Variants in COL27A1 observed in about 807,000 individuals in gnomAD.
COL27A1 encodes collagen type XXVII alpha 1 chain.
A neutral mutation model predicts 251.3 loss-of-function variants in COL27A1; 106 were observed. The observed-to-expected ratio is 0.42, with a 90% confidence interval of 0.36 to 0.50. COL27A1 has a LOEUF of 0.50. Ranked by LOEUF, COL27A1 falls within the 20% of genes least tolerant of loss-of-function variation. The pLI is 0.00. For missense variants in COL27A1, 2,325 were observed against 2,522.8 expected, an observed-to-expected ratio of 0.92 and a Z score of 1.68; for synonymous variants, 1,000 against 986.3, an observed-to-expected ratio of 1.01 and a Z score of -0.26.
At chr9:114,260,125 T>A (rs1834213650) in intron 28 of COL27A1, among the ~76,000 whole-genome samples, 1 of 152,118 alleles carries the variant, frequency 6.6e-6, no homozygotes, top group East Asian at 1.9e-4. Flanking sequence ...CCAGGCCCCC[T>A]GCCCTGCCTC....
chr9:114,198,706 C>T (rs1431005052), intron 7 of COL27A1, among the ~76,000 whole-genome samples: 2 of 152,146 alleles, frequency 1.3e-5, no homozygotes, highest in Admixed American at 6.5e-5. Flanking sequence ...GCTGCCTGCC[C>T]GAGAAGGTTT....
chr9:114,293,164 A>G (rs1203203780), intron 49 of COL27A1, among the ~76,000 whole-genome samples: 3 of 152,238 alleles, frequency 2.0e-5, no homozygotes, highest in Non-Finnish European at 4.4e-5. Context: ...TTCATTCAGA[A>G]CATTTACCAA....
upstream of COL27A1, among the ~76,000 whole-genome samples, chr9:114,155,078 G>A (rs1300578429): frequency 2.0e-5 from 3 of 151,902 alleles, no homozygotes; most frequent in Admixed American, 1.3e-4. The surrounding 1 kb of genome is among the most constrained non-coding windows in gnomAD (Gnocchi z 5.5). Context: ...GTTCTCCAGG[G>A]CGCTCCGAGT....
At chr9:114,174,402 T>A (rs915073377) in intron 3 of COL27A1, among the ~76,000 whole-genome samples, 28 of 152,262 alleles carry the variant, frequency 1.8e-4, no homozygotes, top group African/African-American at 6.5e-4. Context: ...AGTTAAAACC[T>A]TGAGCAGGGG....
At chr9:114,248,000 A>G (rs1247987819) in intron 24 of COL27A1, among the ~76,000 whole-genome samples, 1 of 152,190 alleles carries the variant, frequency 6.6e-6, no homozygotes, top group African/African-American at 2.4e-5. Context: ...CTATCTACAC[A>G]ATCGTCTATG....
At chr9:114,243,033 A>G (rs745814797) in intron 22 of COL27A1, among the ~76,000 whole-genome samples, 7 of 152,202 alleles carry the variant, frequency 4.6e-5, no homozygotes, top group Non-Finnish European at 8.8e-5. Flanking sequence ...CCTCGGGAAG[A>G]TGCCACTTAA....
chr9:114,295,190 A>G (rs1377621567), intron 49 of COL27A1, among the ~76,000 whole-genome samples: 2 of 152,270 alleles, frequency 1.3e-5, no homozygotes, highest in East Asian at 3.8e-4. Flanking sequence ...AATACTACTT[A>G]TAATAGCATA....
At chr9:114,276,092 C>T (rs1009664577) in intron 37 of COL27A1, among the ~76,000 whole-genome samples, 3 of 152,158 alleles carry the variant, frequency 2.0e-5, no homozygotes, top group African/African-American at 7.2e-5. Context: ...TACCCCTGGG[C>T]CTTTGCATGT....
At chr9:114,240,977 G>C (rs1384273949) in intron 21 of COL27A1, among the ~76,000 whole-genome samples, 2 of 152,202 alleles carry the variant, frequency 1.3e-5, no homozygotes, top group South Asian at 4.1e-4. Flanking sequence ...TGTCAACTCT[G>C]TGCTTCCTGG....
chr9:114,282,563 C>T lies in COL27A1; in HGVS notation c.3878C>T (p.Thr1293Met), dbSNP rs116496505. The T allele has an allele frequency of 0.015, 22,502 of 1,505,870 alleles. 195 individuals are homozygous for T. The highest frequency in any genetic ancestry group is 0.023 in the Middle Eastern group (127 of 5,566). 93.3% of individuals were successfully genotyped at this position (1,505,870 alleles called of 1,614,324 possible). ...GGGTCCCGGGGCAGCCTGGGACCAA[C>T]GGTGAGGACTCTCTGGCTGGGGTGG... The part of the protein sequence containing the change: ...PKGSRGSLGP[T>M]GAPGRMGAQG... The change falls in exon 39 of 61, where the codon ACG (threonine) becomes ATG (methionine). Residue 1293 changes from threonine to methionine, a missense_variant and splice_region_variant. Thr to Met is a moderately conservative substitution (Grantham distance 81). Around this residue, in one of 4 missense-constraint regions of COL27A1, gnomAD observed 662 missense variants for 795.3 expected, o/e 0.83. Coordinates refer to ENST00000356083, the MANE Select transcript of COL27A1 (RefSeq NM_032888.4).
chr9:114,173,682 A>G (rs1849483532), intron 3 of COL27A1, among the ~76,000 whole-genome samples: 1 of 150,542 alleles, frequency 6.6e-6, no homozygotes, highest in African/African-American at 2.4e-5. Flanking sequence ...GGGTCGTTAC[A>G]TGGATTCAGT....
intron 36 of COL27A1, among the ~76,000 whole-genome samples, chr9:114,274,776 C>T (rs1383404199): frequency 1.3e-5 from 2 of 152,026 alleles, no homozygotes; most frequent in East Asian, 3.9e-4. Flanking sequence ...GCTTCACTGC[C>T]CTGAGCCTGG....
intron 14 of COL27A1, among the ~76,000 whole-genome samples, chr9:114,223,637 C>T (rs994738557): frequency 6.6e-6 from 1 of 152,160 alleles, no homozygotes; most frequent in African/African-American, 2.4e-5. Flanking sequence ...ACACACAGTC[C>T]ATTCCAGTCC....
intron 49 of COL27A1, among the ~76,000 whole-genome samples, chr9:114,296,028 G>C (rs184279869): frequency 5.9e-5 from 9 of 152,338 alleles, no homozygotes; most frequent in African/African-American, 1.9e-4. Flanking sequence ...TGCCAGACAA[G>C]TGATGCCTCA....
intron 24 of COL27A1, among the ~76,000 whole-genome samples, chr9:114,248,216 T>C (rs1200592771): frequency 6.6e-6 from 1 of 152,210 alleles, no homozygotes; most frequent in Non-Finnish European, 1.5e-5. Context: ...GAGCACAGAC[T>C]GGCTGCCAGG....
At position 114,168,248 on chromosome 9, in the gene COL27A1, C is replaced by T. The variant is rs201192948; in HGVS notation, c.693C>T (p.His231=). Residue 231 remains histidine, a synonymous_variant, in exon 3 of 61, where the codon CAC becomes CAT. Coordinates refer to ENST00000356083, the MANE Select transcript of COL27A1 (RefSeq NM_032888.4). Reference sequence around the variant, plus strand: ...AGGTCGCTCACAATTACTGTACCCACCTGAGGAAGCAGTGTGGACAGGCTG... The same window carrying T: ...AGGTCGCTCACAATTACTGTACCCATCTGAGGAAGCAGTGTGGACAGGCTG... ...VTQVAHNYCT[H]LRKQCGQADT... 6.2e-7 allele frequency: 1 copy of T among 1,614,014 alleles called. No homozygotes were observed. The highest frequency in any genetic ancestry group is 1.3e-5 in the African/African-American group (1 of 75,050).
chr9:114,257,053 G>C (rs1833967220), intron 27 of COL27A1, among the ~76,000 whole-genome samples: 1 of 152,208 alleles, frequency 6.6e-6, no homozygotes, highest in Non-Finnish European at 1.5e-5. Context: ...CTGGGACCCA[G>C]CCCCTCACAT....
chr9:114,154,153 A>T (rs945333613), upstream of COL27A1, among the ~76,000 whole-genome samples: 4 of 151,916 alleles, frequency 2.6e-5, no homozygotes, highest in Non-Finnish European at 5.9e-5. The surrounding 1 kb of genome is among the most constrained non-coding windows in gnomAD (Gnocchi z 5.8). Flanking sequence ...GTGGACGCAG[A>T]GCTGCCGAAG....
At chr9:114,166,681 C>G (rs1233324182) in intron 2 of COL27A1, among the ~76,000 whole-genome samples, 9 of 152,204 alleles carry the variant, frequency 5.9e-5, no homozygotes, top group Admixed American at 5.9e-4. Flanking sequence ...AGCTCAGGAG[C>G]CTGCTTTGCC....
Sources: allele counts gnomAD v4.1 joint callset (sites outside exome capture counted in the v4.1 genomes callset), GRCh38; gene constraint gnomAD v4.1.1; regional missense constraint gnomAD v4.1.1; non-coding constraint Gnocchi (gnomAD v3.1); transcripts MANE v1.5; gene names NCBI Gene and HGNC (gene_info 2026-07-23, HGNC 2026-07-21).